SNX31: variants seen among roughly 807,000 people sequenced by gnomAD.
The protein encoded by SNX31 is sorting nexin-31.
A neutral mutation model predicts 65.4 loss-of-function variants in SNX31; 58 were observed. The ratio of observed to expected loss-of-function variants is 0.89; its 90% CI spans 0.72 to 1.10. The LOEUF is 1.10. Among genes scored for constraint, SNX31 ranks in the 50% least tolerant of loss-of-function variants. The pLI is 0.00. For synonymous variants in SNX31, 181 were observed against 190.1 expected, an observed-to-expected ratio of 0.95 and a Z score of 0.39; for missense variants, 523 against 529.7, an observed-to-expected ratio of 0.99 and a Z score of 0.12.
upstream of SNX31, chr8:100,663,422 T>C (rs1486053386): frequency 1.3e-5 from 2 of 152,216 alleles, no homozygotes; most frequent in East Asian, 3.8e-4. Context: ...TGAGGAATGC[T>C]TTTTCAGAGT....
rs138548509 is a variant in SNX31, at chr8:100,578,684, TTTTTATTTTATTTTATTTTATTTTA to T, written c.1171-1634_1171-1610del. Among the ~76,000 whole-genome samples, 23 of 145,470 alleles carry T rather than the reference TTTTTATTTTATTTTATTTTATTTTA, an allele frequency of 1.6e-4. No individual in the cohort carries two copies. Among genetic ancestry groups the T allele is most frequent in the African/African-American group, 5.9e-4 (23 of 38,800 alleles). On this transcript the variant is annotated intron_variant, in intron 12 of 13. Coordinates refer to ENST00000311812, the MANE Select transcript of SNX31 (RefSeq NM_152628.4). This position sits in a 1 kb window ranked among gnomAD's most constrained non-coding sequence, Gnocchi z 4.7. Reference sequence around the variant, plus strand: ...ACATATTTAAGCCTATTTCAATGATTTTTTATTTTATTTTATTTTATTTTATTTTATTTTATTTTATTTTATTATT... The same window carrying T: ...ACATATTTAAGCCTATTTCAATGATTTTTTATTTTATTTTATTTTATTATT...
intron 12 of SNX31, among the ~76,000 whole-genome samples, chr8:100,580,538 T>A (rs1001003135): frequency 5.3e-5 from 8 of 152,206 alleles, no homozygotes; most frequent in Non-Finnish European, 7.3e-5. Flanking sequence ...TAGGGGAAAT[T>A]CTGAGTGAGA....
At chr8:100,642,707 A>T (rs1400394564) in intron 2 of SNX31, among the ~76,000 whole-genome samples, 1 of 152,230 alleles carries the variant, frequency 6.6e-6, no homozygotes, top group Non-Finnish European at 1.5e-5. Flanking sequence ...TACACAGTTG[A>T]GCTATCAAAA....
chr8:100,616,182 G>A (rs1000234429), intron 5 of SNX31, among the ~76,000 whole-genome samples: 2 of 152,172 alleles, frequency 1.3e-5, no homozygotes, highest in Non-Finnish European at 2.9e-5. Context: ...TTATTATGTG[G>A]CACATGACTG....
chr8:100,632,233 G>A (rs905458090), intron 3 of SNX31, among the ~76,000 whole-genome samples: 3 of 152,104 alleles, frequency 2.0e-5, no homozygotes, highest in Non-Finnish European at 4.4e-5. Flanking sequence ...CTGGAAAAGC[G>A]AACCCTCAAG....
Position 100,608,526 on chromosome 8 carries a change from A to G in SNX31, c.649T>C (p.Cys217Arg). ...APSLDSVLMD[C>R]RVAVDLLYMQ... ...TAGAGCAAATCTACCGCCACCCTGC[A>G]GTCCATCAGCACGGAGTCGAGGGAT... The change falls in exon 8 of 14, where the codon TGC becomes CGC. Residue 217 changes from cysteine (C) to arginine (R), a missense_variant. By Grantham distance (180) the Cys-to-Arg change is radical (BLOSUM62 -3). Coordinates refer to ENST00000311812, the MANE Select transcript of SNX31 (RefSeq NM_152628.4). 6.2e-7 allele frequency: 1 copy of G among 1,614,126 alleles called. No homozygotes were observed. Among genetic ancestry groups the G allele is most frequent in the Non-Finnish European group, 8.5e-7 (1 of 1,179,992 alleles).
chr8:100,613,141 T>C lies in SNX31; in HGVS notation c.433-56A>G, dbSNP rs1277946536. Reference sequence around the variant, plus strand: ...AGTTAGGTGTGCCCACCATGCATCCTAACTGTGACATGCAGACTTGGAAAT... The same window carrying C: ...AGTTAGGTGTGCCCACCATGCATCCCAACTGTGACATGCAGACTTGGAAAT... On this transcript the variant is annotated intron_variant, in intron 5 of 13. Coordinates refer to ENST00000311812, the MANE Select transcript of SNX31 (RefSeq NM_152628.4). This position sits in a 1 kb window ranked among gnomAD's most constrained non-coding sequence, Gnocchi z 5.2. 11 of 1,369,436 alleles carry C rather than the reference T, an allele frequency of 8.0e-6. No homozygotes were observed. The highest frequency in any genetic ancestry group is 1.1e-5 in the Non-Finnish European group (11 of 958,852). The allele number at this position is 1,369,436 out of a possible 1,614,324, so 84.8% of individuals were successfully genotyped here.
chr8:100,656,712 C>T (rs1028988990), intron 1 of SNX31, among the ~76,000 whole-genome samples: 6 of 150,168 alleles, frequency 4.0e-5, no homozygotes, highest in African/African-American at 1.5e-4. Flanking sequence ...AGAAATGGCT[C>T]CTGTCCTCAA....
rs752425672 is a variant in SNX31 at position 100,573,926 on chromosome 8, C to CTTTTTTTTTTTTTTTTTTTTTTTT, written c.1261_1262insAAAAAAAAAAAAAAAAAAAAAAAA (p.Lys420_Ser421insLysLysLysLysLysLysLysLys). On this transcript the variant is annotated inframe_insertion, in exon 14 of 14. Transcript: ENST00000311812. ...GTCATCTTTAGCTATCTTAATCTTGCTTTTTCTTGATAGAAAACTAGAATA... is the reference window on the plus strand; with the variant it reads ...GTCATCTTTAGCTATCTTAATCTTGCTTTTTTTTTTTTTTTTTTTTTTTTTTTTTCTTGATAGAAAACTAGAATA... 8.2e-6 allele frequency: 13 copies of CTTTTTTTTTTTTTTTTTTTTTTTT among 1,586,998 alleles called. No homozygotes were observed. The Admixed American group carries it at 2.2e-4, about 27-fold the overall frequency.
At chr8:100,632,772 T>TA (rs144681852) in intron 3 of SNX31, among the ~76,000 whole-genome samples, 19,832 of 151,430 alleles carry the variant, frequency 0.13, 1,805 homozygotes, top group African/African-American at 0.26. Flanking sequence ...ACACTGACTC[T>TA]AAAAAAAATA....
rs1377315484 is a variant in SNX31 at position 100,578,013 on chromosome 8, C to CA, written c.1171-939dup. Among the ~76,000 whole-genome samples, 27 of 151,992 alleles carry CA rather than the reference C, an allele frequency of 1.8e-4. No individual in the cohort carries two copies. The highest frequency in any genetic ancestry group is 5.6e-4 in the African/African-American group (23 of 41,394). On this transcript the variant is annotated intron_variant, in intron 12 of 13. Coordinates refer to ENST00000311812, the MANE Select transcript of SNX31 (RefSeq NM_152628.4). This position sits in a 1 kb window ranked among gnomAD's most constrained non-coding sequence, Gnocchi z 4.7. ...TAGCTAATGAGCTTTTTAAAAATCA[C>CA]AAAAAAACACTCAGTGTTTTAAGAA...
upstream of SNX31, among the ~76,000 whole-genome samples, chr8:100,652,040 G>T (rs1265728561): frequency 6.6e-6 from 1 of 152,026 alleles, no homozygotes; most frequent in East Asian, 1.9e-4. Context: ...GTGCAGTGGT[G>T]TGAGCTCGGC....
chr8:100,643,118 G>A lies in SNX31; in HGVS notation c.141+6156C>T, dbSNP rs60860351. On this transcript the variant is annotated intron_variant, in intron 2 of 13. Transcript: ENST00000311812. ...AGGCAGGAGAATCACTTGAACTTGGGGGGGGTGGAGGTTGCAGTGAGCTGA... is the reference window on the plus strand; with the variant it reads ...AGGCAGGAGAATCACTTGAACTTGGAGGGGGTGGAGGTTGCAGTGAGCTGA... 4.3e-5 allele frequency among the ~76,000 whole-genome samples: 6 copies of A among 140,110 alleles called. No homozygotes were observed. In the South Asian group the frequency reaches 7.0e-4, roughly 16 times the overall value. The allele number at this position is 140,110 out of a possible 152,430, so 91.9% of individuals were successfully genotyped here. A position where few individuals can be genotyped will look rare whatever the true frequency, so the allele number is the denominator to read the frequency against.
In SNX31 at chr8:100,609,172, C is replaced by T. The variant is rs1816478090; in HGVS notation, c.612-609G>A. On this transcript the variant is annotated intron_variant, in intron 7 of 13. Coordinates refer to ENST00000311812, the MANE Select transcript of SNX31 (RefSeq NM_152628.4). The surrounding 1 kb of genome is among the most constrained non-coding windows in gnomAD (Gnocchi z 4.9). ...CATTTCCAGTTCCATCTCTCACCAA[C>T]CCCACCACCAACGCTACATTCCAAC... is the stretch of plus-strand genomic sequence containing the variant. 6.6e-6 allele frequency among the ~76,000 whole-genome samples: 1 copy of T among 152,338 alleles called. No homozygotes were observed. Among genetic ancestry groups the T allele is most frequent in the South Asian group, 2.1e-4 (1 of 4,826 alleles).
chr8:100,618,400 GGGGGCA>G, intron 4 of SNX31: 1 of 1,370,458 alleles, frequency 7.3e-7, no homozygotes, highest in Non-Finnish European at 1.0e-6. Flanking sequence ...AATTGTGGGT[GGGGGCA>G]GGGGGAAGGT....
At chr8:100,654,908 G>A (rs575944358) in intron 1 of SNX31, among the ~76,000 whole-genome samples, 3 of 152,206 alleles carry the variant, frequency 2.0e-5, no homozygotes, top group Non-Finnish European at 4.4e-5. Flanking sequence ...AGCTGCTAGG[G>A]AGGCTGAGGC....
chr8:100,659,945 CT>C (rs1289370644), intron 1 of SNX31, among the ~76,000 whole-genome samples: 1 of 151,764 alleles, frequency 6.6e-6, no homozygotes, highest in Non-Finnish European at 1.5e-5. Context: ...ACTCTTTGAT[CT>C]ACTGACACCT....
chr8:100,608,704 C>G (rs987277083), intron 7 of SNX31, 141 bp from the exon 8 acceptor site: 16 of 697,108 alleles, frequency 2.3e-5, no homozygotes, highest in African/African-American at 2.1e-4. Flanking sequence ...ACTTGCCCAG[C>G]TTTCACTCTG....
At chr8:100,580,311 A>C (rs961435512) in intron 12 of SNX31, among the ~76,000 whole-genome samples, 2 of 152,210 alleles carry the variant, frequency 1.3e-5, no homozygotes, top group African/African-American at 4.8e-5. Context: ...CTATTGCATA[A>C]AATACATCTA....
Sources: gnomAD v4.1 joint callset for allele counts (sites outside exome capture counted in the v4.1 genomes callset) on GRCh38, gnomAD v4.1.1 for gene constraint, Gnocchi (gnomAD v3.1) non-coding constraint, MANE v1.5 for transcripts, NCBI Gene and HGNC (gene_info 2026-07-23, HGNC 2026-07-21) for gene names.